TBL1X: variants seen among roughly 807,000 people sequenced by gnomAD.
TBL1X encodes the protein F-box-like/WD repeat-containing protein TBL1X.
A neutral mutation model predicts 50.7 loss-of-function variants in TBL1X; 10 were observed. The ratio of observed to expected loss-of-function variants is 0.20; its 90% CI spans 0.12 to 0.33. TBL1X has a LOEUF of 0.33. Among genes scored for constraint, TBL1X ranks in the 10% least tolerant of loss-of-function variants. The pLI is 1.00. For missense variants in TBL1X, 340 were observed against 504.4 expected (o/e 0.67, Z 3.12); for synonymous variants, 190 against 214.7 (o/e 0.88, Z 1.01).
intron 2 of TBL1X, among the ~76,000 whole-genome samples, chrX:9,577,214 A>G (rs2082417139): frequency 8.9e-6 from 1 of 111,805 alleles, no homozygotes; most frequent in African/African-American, 3.3e-5. Context: ...CCCTGTGAAC[A>G]TGGCCCCACA....
chrX:9,545,000 C>CTTTTT (rs34726098), intron 2 of TBL1X, among the ~76,000 whole-genome samples: 20 of 71,749 alleles, frequency 2.8e-4, no homozygotes, highest in African/African-American at 6.2e-4. Flanking sequence ...TTTCCCCCCA[C>CTTTTT]TTTTTTTTTT....
intron 8 of TBL1X, 49 bp from the exon 9 acceptor site, chrX:9,692,064 T>C (rs1470263101): frequency 1.7e-6 from 2 of 1,210,302 alleles, no homozygotes; most frequent in Non-Finnish European, 2.2e-6. Flanking sequence ...GAGAGCTTCT[T>C]ATCCCATTTG....
chrX:9,608,032 A>G (rs73476853), intron 2 of TBL1X, among the ~76,000 whole-genome samples: 345 of 108,974 alleles, frequency 3.2e-3, no homozygotes, highest in African/African-American at 0.011. Flanking sequence ...GCTGTTCTCA[A>G]ACTAACTGAT....
chrX:9,506,507 C>T (rs2082026664), intron 2 of TBL1X, among the ~76,000 whole-genome samples: 2 of 111,289 alleles, frequency 1.8e-5, no homozygotes, highest in African/African-American at 6.5e-5. Context: ...TCATTGAATC[C>T]AGGAGCTGGT....
intron 2 of TBL1X, among the ~76,000 whole-genome samples, chrX:9,583,774 CTT>C (rs1280862244): frequency 9.0e-6 from 1 of 111,589 alleles, no homozygotes; most frequent in African/African-American, 3.3e-5. Flanking sequence ...TAGTTCGCCT[CTT>C]TTTTTCTGGA....
At chrX:9,668,703 C>A (rs2082944575) in intron 5 of TBL1X, among the ~76,000 whole-genome samples, 1 of 112,229 alleles carries the variant, frequency 8.9e-6, no homozygotes, top group African/African-American at 3.2e-5. Context: ...AAGGCTTTGA[C>A]TGGAATGGCA....
chrX:9,576,264 C>T (rs2082411143), intron 2 of TBL1X, among the ~76,000 whole-genome samples: 1 of 112,102 alleles, frequency 8.9e-6, no homozygotes, highest in South Asian at 3.7e-4. Flanking sequence ...GTGTAGGCAT[C>T]AGGCCACGTC....
chrX:9,531,359 GTGTGT>G (rs2082159823), intron 2 of TBL1X, among the ~76,000 whole-genome samples: 1 of 81,077 alleles, frequency 1.2e-5, no homozygotes, highest in African/African-American at 7.0e-5. Flanking sequence ...TGGAGGGTGT[GTGTGT>G]GTGTGTGTGT....
In TBL1X at chrX:9,489,728, C is replaced by T. The variant is rs143873850; in HGVS notation, c.-200-12052C>T. Among the ~76,000 whole-genome samples the T allele has an allele frequency of 5.2e-3, 576 of 111,731 alleles. 6 individuals are homozygous for T. Among genetic ancestry groups the T allele is most frequent in the African/African-American group, 0.018 (556 of 30,738 alleles). ...AAACAAGTCCCATGGTGAGGTCCAGCCTCCACGGGTTGGGGAGGGCTATTC... is the reference window on the plus strand; with the variant it reads ...AAACAAGTCCCATGGTGAGGTCCAGTCTCCACGGGTTGGGGAGGGCTATTC... On this transcript the variant is annotated intron_variant, in intron 1 of 17. Transcript: ENST00000645353.
intron 2 of TBL1X, among the ~76,000 whole-genome samples, chrX:9,599,440 C>T (rs2082543373): frequency 8.9e-6 from 1 of 112,262 alleles, no homozygotes; most frequent in African/African-American, 3.2e-5. Flanking sequence ...TTCATTGCCG[C>T]CAGGTTGGGA....
At chrX:9,604,503 G>C (rs1245256046) in intron 2 of TBL1X, among the ~76,000 whole-genome samples, 1 of 110,377 alleles carries the variant, frequency 9.1e-6, no homozygotes, top group Non-Finnish European at 1.9e-5. Context: ...GTCATAAATT[G>C]TCTCTCCCTC....
intron 1 of TBL1X, among the ~76,000 whole-genome samples, chrX:9,476,210 C>T (rs998072205): frequency 8.9e-6 from 1 of 112,061 alleles, no homozygotes; most frequent in Non-Finnish European, 1.9e-5. Flanking sequence ...TGCATTTAGG[C>T]CCCAGTAAGA....
chrX:9,559,932 G>A (rs1025918965), intron 2 of TBL1X, among the ~76,000 whole-genome samples: 2 of 111,925 alleles, frequency 1.8e-5, no homozygotes, highest in African/African-American at 3.2e-5. Flanking sequence ...CAGCAGCCCC[G>A]GTTTTTCTGT....
chrX:9,561,455 G>C (rs2082324584), intron 2 of TBL1X, among the ~76,000 whole-genome samples: 1 of 111,376 alleles, frequency 9.0e-6, no homozygotes, highest in Admixed American at 9.6e-5. Flanking sequence ...ATGGAGACAG[G>C]AGCGTTGAAG....
chrX:9,494,806 A>AT (rs1399178835), intron 1 of TBL1X, among the ~76,000 whole-genome samples: 1 of 111,714 alleles, frequency 9.0e-6, no homozygotes, highest in African/African-American at 3.3e-5. Flanking sequence ...TACAAGAGAA[A>AT]TTTCGGTCTT....
intron 3 of TBL1X, among the ~76,000 whole-genome samples, chrX:9,651,011 CTT>C (rs572743375): frequency 5.5e-4 from 17 of 30,919 alleles, no homozygotes; most frequent in African/African-American, 9.6e-4. Flanking sequence ...AGCTGCCAGC[CTT>C]TTTTTTTTTT....
intron 3 of TBL1X, among the ~76,000 whole-genome samples, chrX:9,644,487 G>T (rs910835687): frequency 2.7e-5 from 3 of 111,318 alleles, no homozygotes; most frequent in African/African-American, 9.8e-5. Flanking sequence ...GCTCTTGCTA[G>T]GTGGAGCATT....
chrX:9,612,838 A>AAATTTT (rs1240456961), intron 2 of TBL1X, among the ~76,000 whole-genome samples: 1 of 111,424 alleles, frequency 9.0e-6, no homozygotes, highest in Non-Finnish European at 1.9e-5. Context: ...GTAACCGCAA[A>AAATTTT]AATTTTAAGA....
chrX:9,465,507 G>A (rs921901016), intron 1 of TBL1X, 60 bp downstream of exon 1: 2 of 111,632 alleles, frequency 1.8e-5, no homozygotes, highest in East Asian at 2.9e-4. Context: ...CGGGGAGGCG[G>A]GTCCCGCGCT....
Sources: gnomAD v4.1 joint callset for allele counts (sites outside exome capture counted in the v4.1 genomes callset) on GRCh38, gnomAD v4.1.1 for gene constraint, MANE v1.5 for transcripts, NCBI Gene and HGNC (gene_info 2026-07-23, HGNC 2026-07-21) for gene names.